The following PHIP variants were observed in gnomAD, a reference collection of about 807,000 sequenced individuals.
PHIP encodes the protein PH-interacting protein.
A neutral mutation model predicts 236.8 loss-of-function variants in PHIP; 54 were observed. The observed-to-expected ratio is 0.23, with a 90% CI of 0.18 to 0.29. The LOEUF (loss-of-function observed/expected upper bound fraction) is 0.29. Ranked by LOEUF, PHIP falls within the 10% of genes least tolerant of loss-of-function variation. The pLI, the probability that PHIP is intolerant of heterozygous loss-of-function variation, is 1.00. For synonymous variants in PHIP, 756 were observed against 718.9 expected (o/e 1.05, Z -0.83); for missense variants, 1,370 against 2,190.8 (o/e 0.63, Z 7.48).
rs1267407065 is a variant in PHIP, at chr6:79,015,271, C to T, written c.1390-55G>A. 4.3e-6 allele frequency: 6 copies of T among 1,406,628 alleles called. No individual in the cohort carries two copies. In the Admixed American group the frequency reaches 9.0e-5, roughly 21 times the overall value. 87.1% of individuals were successfully genotyped at this position (1,406,628 alleles called of 1,614,324 possible). A position where few individuals can be genotyped will look rare whatever the true frequency, so the allele number is the denominator to read the frequency against. Reference sequence around the variant, plus strand: ...ATAGATATTAAAAAAGAAAGAAAAACAAACATAATGAAATACCAATATGGC... The same window carrying T: ...ATAGATATTAAAAAAGAAAGAAAAATAAACATAATGAAATACCAATATGGC... On this transcript the variant is annotated intron_variant, in intron 14 of 39. Transcript: ENST00000275034.
chr6:79,038,604 T>C (rs1208786701), intron 7 of PHIP, among the ~76,000 whole-genome samples: 7 of 152,160 alleles, frequency 4.6e-5, no homozygotes, highest in African/African-American at 1.7e-4. Flanking sequence ...CCACTCTTCT[T>C]TTTTTTCCCC....
chr6:78,972,352 G>A (rs1197112178), intron 24 of PHIP, among the ~76,000 whole-genome samples: 1 of 152,146 alleles, frequency 6.6e-6, no homozygotes, highest in Non-Finnish European at 1.5e-5. Flanking sequence ...AAACAGAAAG[G>A]ACATCCACAT....
intron 19 of PHIP, among the ~76,000 whole-genome samples, chr6:78,995,214 G>A (rs531617234): frequency 1.3e-5 from 2 of 152,158 alleles, no homozygotes; most frequent in African/African-American, 2.4e-5. Context: ...CCTTTTTATT[G>A]CACAGTAGTA....
At chr6:79,001,451 A>T (rs929751123) in intron 17 of PHIP, among the ~76,000 whole-genome samples, 1 of 152,080 alleles carries the variant, frequency 6.6e-6, no homozygotes, top group African/African-American at 2.4e-5. Context: ...CTTTAGTAAC[A>T]TTCATCACAA....
In PHIP at chr6:78,992,669, T is replaced by C. The variant is rs1769341437; in HGVS notation, c.2202-1684A>G. On this transcript the variant is annotated intron_variant, in intron 19 of 39. Coordinates refer to ENST00000275034, the MANE Select transcript of PHIP (RefSeq NM_017934.7). ...TCAGTAATTTTTTATGCTTCTATTG[T>C]AGTTGTTTTGAAGCACCATGAACCT... is the stretch of plus-strand genomic sequence containing the variant. 4.6e-5 allele frequency among the ~76,000 whole-genome samples: 7 copies of C among 152,194 alleles called. No individual in the cohort carries two copies. In the South Asian group the frequency reaches 1.2e-3, roughly 27 times the overall value.
chr6:78,999,508 T>G (rs937930371), intron 17 of PHIP, among the ~76,000 whole-genome samples: 35 of 152,142 alleles, frequency 2.3e-4, no homozygotes, highest in Admixed American at 2.1e-3. Context: ...GCATGAACTG[T>G]CTCACTTACC....
chr6:79,072,854 CT>C (rs1204979401), intron 4 of PHIP, among the ~76,000 whole-genome samples: 1 of 152,084 alleles, frequency 6.6e-6, no homozygotes, highest in Admixed American at 6.5e-5. Context: ...AATGTAAATG[CT>C]TTTCTTAAAG....
At chr6:79,019,249 C>T (rs1562183779) in intron 9 of PHIP, 90 bp from the exon 10 acceptor site, 2 of 929,218 alleles carry the variant, frequency 2.2e-6, no homozygotes, top group South Asian at 1.5e-5. Context: ...CCCAGAAGGA[C>T]AAAATTAAGA....
At chr6:79,059,198 C>T (rs918566721) in intron 6 of PHIP, among the ~76,000 whole-genome samples, 5 of 151,594 alleles carry the variant, frequency 3.3e-5, no homozygotes, top group East Asian at 3.9e-4. Context: ...GAAAGGATAA[C>T]GAAGCAGATA....
chr6:79,064,250 C>T (rs1400795425), intron 4 of PHIP, among the ~76,000 whole-genome samples: 1 of 152,172 alleles, frequency 6.6e-6, no homozygotes, highest in Non-Finnish European at 1.5e-5. Context: ...TTCCTCTCAA[C>T]CAACTCCTTC....
chr6:78,961,972 A>AC (rs956992702), intron 30 of PHIP, among the ~76,000 whole-genome samples, 162 bp from the exon 31 acceptor site: 29 of 152,198 alleles, frequency 1.9e-4, no homozygotes, highest in Admixed American at 1.5e-3. Flanking sequence ...AAAGAGTCTC[A>AC]CTTTTTATTA....
Position 79,060,651 on chromosome 6 carries a change from T to A in PHIP, c.340+17A>T. The A allele has an allele frequency of 1.2e-6, 2 of 1,609,762 alleles. No individual in the cohort carries two copies. The highest frequency in any genetic ancestry group is 1.7e-6 in the Non-Finnish European group (2 of 1,177,984). The stretch of plus-strand genomic sequence containing the variant: ...TGAGATAAATAATGTCTAAATCCTA[T>A]GAGAAAATTTTCATACTTTTATTTG... On this transcript the variant is annotated intron_variant, in intron 5 of 39. Transcript: ENST00000275034.
At chr6:78,961,101 C>T (rs1445903294) in intron 31 of PHIP, among the ~76,000 whole-genome samples, 5 of 151,878 alleles carry the variant, frequency 3.3e-5, no homozygotes, top group Middle Eastern at 3.2e-3. Flanking sequence ...AGCCTACTGA[C>T]GATTAAAGAC....
intron 6 of PHIP, among the ~76,000 whole-genome samples, chr6:79,052,932 T>TA (rs1393052364): frequency 6.6e-6 from 1 of 152,154 alleles, no homozygotes; most frequent in African/African-American, 2.4e-5. Context: ...GTTAAAAGCA[T>TA]AAGATCTGAG....
At chr6:79,077,809 C>CGCGAGCG (rs1774260130) in intron 2 of PHIP, 46 bp downstream of exon 2, 25 of 1,137,482 alleles carry the variant, frequency 2.2e-5, no homozygotes, top group East Asian at 4.8e-5. Context: ...CCCCCACGCC[C>CGCGAGCG]GCGAGCGGCG....
chr6:79,060,965 T>C, intron 4 of PHIP, 147 bp from the exon 5 acceptor site: 1 of 528,696 alleles, frequency 1.9e-6, no homozygotes, highest in Non-Finnish European at 3.3e-6. Context: ...TAATTAAGAA[T>C]TAAGAACTGA....
At chr6:78,997,820 C>T (rs1321989940) in intron 18 of PHIP, among the ~76,000 whole-genome samples, 1 of 152,044 alleles carries the variant, frequency 6.6e-6, no homozygotes, top group African/African-American at 2.4e-5. Flanking sequence ...TAACTATAGA[C>T]TATTAAGCCC....
intron 29 of PHIP, among the ~76,000 whole-genome samples, chr6:78,964,110 A>G (rs971633987): frequency 6.6e-6 from 1 of 152,168 alleles, no homozygotes; most frequent in African/African-American, 2.4e-5. Flanking sequence ...TCAAATTCAA[A>G]CTTTCTTTTT....
At chr6:79,019,437 T>TACTTCTAACTA (rs1226427614) in intron 9 of PHIP, among the ~76,000 whole-genome samples, 17 of 152,094 alleles carry the variant, frequency 1.1e-4, no homozygotes, top group Admixed American at 2.0e-4. Context: ...TAGTTACACT[T>TACTTCTAACTA]ACTTCTAATC....
Sources: gnomAD v4.1 joint callset for allele counts (sites outside exome capture counted in the v4.1 genomes callset) on GRCh38, gnomAD v4.1.1 for gene constraint, MANE v1.5 for transcripts, NCBI Gene and HGNC (gene_info 2026-07-23, HGNC 2026-07-21) for gene names.